IDH3B: variants seen among roughly 807,000 people sequenced by gnomAD.
IDH3B encodes isocitrate dehydrogenase [NAD] subunit beta, mitochondrial.
In IDH3B, 40 loss-of-function variants were observed where a neutral mutation model predicts 47.5. The observed-to-expected ratio is 0.84, with a 90% CI of 0.65 to 1.10. The LOEUF (loss-of-function observed/expected upper bound fraction) is 1.10. Among genes scored for constraint, IDH3B ranks in the 50% least tolerant of loss-of-function variants. The probability of loss-of-function intolerance (pLI) is 0.00; values close to 1 mark genes in which losing one functional copy is unlikely to be tolerated. For synonymous variants in IDH3B, 185 were observed against 191.0 expected (o/e 0.97, Z 0.26); for missense variants, 450 against 505.2 (o/e 0.89, Z 1.05).
rs1393060452 is a variant in IDH3B at position 2,660,750 on chromosome 20, G to A, written c.478C>T (p.Leu160=). ...GYMTRHNNLD[L]VIIREQTEGE... is the part of the protein sequence containing the mutation. ...TCTGTCTGCTCTCGAATGATCACCA[G>A]GTCTAGATTGTTGTGCCGAGTCATA... Residue 160 remains leucine (L), a synonymous_variant, in exon 6 of 12, where the codon CTG becomes TTG. Coordinates refer to ENST00000380843, the MANE Select transcript of IDH3B (RefSeq NM_006899.5). This position sits in a 1 kb window ranked among gnomAD's most constrained non-coding sequence, Gnocchi z 5.6. The A allele has an allele frequency of 6.2e-7, 1 of 1,614,140 alleles. No individual in the cohort carries two copies. The highest frequency in any genetic ancestry group is 8.5e-7 in the Non-Finnish European group (1 of 1,180,032).
chr20:2,660,328 C>T lies in IDH3B; in HGVS notation c.703G>A (p.Glu235Lys), dbSNP rs1173363650. 1.2e-6 allele frequency: 2 copies of T among 1,614,024 alleles called. No homozygotes were observed. The highest frequency in any genetic ancestry group is 1.3e-5 in the African/African-American group (1 of 74,906). The change falls in exon 8 of 12, where the codon GAA (glutamate) becomes AAA (lysine). Residue 235 changes from glutamate (E) to lysine (K), a missense_variant. Coordinates refer to ENST00000380843, the MANE Select transcript of IDH3B (RefSeq NM_006899.5). The surrounding 1 kb of genome is among the most constrained non-coding windows in gnomAD (Gnocchi z 5.6). ...ATTTTGGGGTACAGTTCAGCAACTT[C>T]CTCACAGCACTGCAGGAACAACCCA... ...GDGLFLQCCEEVAELYPKIKF... is the reference protein window; with the variant it reads ...GDGLFLQCCEKVAELYPKIKF...
At position 2,659,739 on chromosome 20, in the gene IDH3B, C is replaced by CTT; in HGVS notation, c.969_970insAA (p.Ala324LysfsTer22). The stretch of plus-strand genomic sequence containing the variant: ...ATGTTGGAAGCCGACAGCAGCATGG[C>CTT]CGTGGGATTGGCTATATTCCTGCCC... On this transcript the variant is annotated frameshift_variant, in exon 10 of 12. Transcript: ENST00000380843. LOFTEE classifies it high-confidence loss of function. The CTT allele has an allele frequency of 6.2e-7, 1 of 1,614,182 alleles. No individual in the cohort carries two copies. The highest frequency in any genetic ancestry group is 8.5e-7 in the Non-Finnish European group (1 of 1,180,028).
intron 2 of IDH3B, 37 bp from the exon 3 acceptor site, chr20:2,663,795 C>A: frequency 1.2e-6 from 2 of 1,609,600 alleles, no homozygotes; most frequent in Non-Finnish European, 1.7e-6. Context: ...AAAGATAGAG[C>A]TGGGGCGGGA....
intron 4 of IDH3B, among the ~76,000 whole-genome samples, chr20:2,661,681 A>C (rs1258896009): frequency 4.6e-5 from 7 of 152,208 alleles, no homozygotes; most frequent in Admixed American, 4.6e-4. Context: ...ATAACAACTA[A>C]AACCATACAA....
intron 1 of IDH3B, 51 bp downstream of exon 1, chr20:2,664,102 A>G: frequency 6.2e-7 from 1 of 1,608,140 alleles, no homozygotes. Context: ...ACCCTAGGAC[A>G]AACTCTCCGC....
chr20:2,660,641 A>T lies in IDH3B; in HGVS notation c.532-51T>A, dbSNP rs373760156. ...GGTGACACTGGGAAGGGAAACAAGG[A>T]GCTCCACCTCTCTCCCATCTTCATC... On this transcript the variant is annotated intron_variant, in intron 6 of 11. Transcript: ENST00000380843. The surrounding 1 kb of genome is among the most constrained non-coding windows in gnomAD (Gnocchi z 5.6). The T allele has an allele frequency of 1.2e-6, 2 of 1,613,958 alleles. No individual in the cohort carries two copies. The highest frequency in any genetic ancestry group is 1.7e-6 in the Non-Finnish European group (2 of 1,180,010).
chr20:2,660,541 G>A lies in IDH3B; in HGVS notation c.581C>T (p.Ser194Phe). 1 of 1,614,140 alleles carries A rather than the reference G, an allele frequency of 6.2e-7. No homozygotes were observed. The highest frequency in any genetic ancestry group is 1.1e-5 in the South Asian group (1 of 91,086). ...ECLKIVTRAK[S>F]QRIAKFAFDY... ...AAAGGCGAACTTTGCAATCCGCTGA[G>A]ACTTGGCTCGTGTGACAATCTTCAA... Residue 194 changes from serine to phenylalanine, a missense_variant, in exon 7 of 12, where the codon TCT (serine) becomes TTT (phenylalanine). Physicochemically the swap from Ser to Phe is radical, Grantham distance 155. Coordinates refer to ENST00000380843, the MANE Select transcript of IDH3B (RefSeq NM_006899.5). This position sits in a 1 kb window ranked among gnomAD's most constrained non-coding sequence, Gnocchi z 5.6.
In IDH3B at chr20:2,659,838, G is replaced by A. The variant is rs201007930; in HGVS notation, c.916-45C>T. On this transcript the variant is annotated intron_variant, in intron 9 of 11. Transcript: ENST00000380843. ...CTAGACACTGGGAGGAGGCAGGAGG[G>A]GTATGCAGAGGCTTAGGTTGGAAAA... The A allele has an allele frequency of 3.7e-5, 55 of 1,493,260 alleles. No individual in the cohort carries two copies. The East Asian group carries it at 9.9e-4, about 27-fold the overall frequency. 92.5% of individuals were successfully genotyped at this position (1,493,260 alleles called of 1,614,324 possible).
intron 4 of IDH3B, among the ~76,000 whole-genome samples, chr20:2,661,890 G>A (rs1394624842): frequency 1.3e-5 from 2 of 152,218 alleles, no homozygotes; most frequent in Non-Finnish European, 2.9e-5. Flanking sequence ...TGGGAAAAGA[G>A]GCTTTGCAGA....
chr20:2,659,325 A>G, intron 11 of IDH3B, 200 bp downstream of exon 11: 2 of 1,542,676 alleles, frequency 1.3e-6, no homozygotes, highest in Non-Finnish European at 1.7e-6. Flanking sequence ...AAGAGGCAAA[A>G]GAGATCAAGA....
rs964045903 is a variant in IDH3B at position 2,660,673 on chromosome 20, C to T, written c.531+24G>A. The T allele has an allele frequency of 6.2e-7, 1 of 1,614,062 alleles. No individual in the cohort carries two copies. Among genetic ancestry groups the T allele is most frequent in the African/African-American group, 1.3e-5 (1 of 74,920 alleles). ...CCTCTCTCCCATCTTCATCCTTGCC[C>T]TCCCCCAGTTTCTGGGGCCTCACCT... On this transcript the variant is annotated intron_variant, in intron 6 of 11. Transcript: ENST00000380843. The surrounding 1 kb of genome is among the most constrained non-coding windows in gnomAD (Gnocchi z 5.6).
At chr20:2,659,131 A>G (rs2086886346) in intron 11 of IDH3B, 2 of 1,435,028 alleles carry the variant, frequency 1.4e-6, no homozygotes, top group East Asian at 2.5e-5. Flanking sequence ...AAATAGAGAC[A>G]AGACCAGGTG....
At position 2,660,957 on chromosome 20, in the gene IDH3B, G is replaced by A; in HGVS notation, c.350C>T (p.Thr117Ile). The A allele has an allele frequency of 6.2e-7, 1 of 1,614,024 alleles. No homozygotes were observed. Among genetic ancestry groups the A allele is most frequent in the Non-Finnish European group, 8.5e-7 (1 of 1,179,978 alleles). ...TAGCTCCCCCTTATACTCCATCGGG[G>A]TATGAATCTTTCCTGTGAAAACAAA... Reference protein sequence around the residue: ...NKVAIIGKIHTPMEYKGELAS... With the variant: ...NKVAIIGKIHIPMEYKGELAS... The change falls in exon 5 of 12, where the codon ACC becomes ATC. Residue 117 changes from threonine to isoleucine, a missense_variant. Coordinates refer to ENST00000380843, the MANE Select transcript of IDH3B (RefSeq NM_006899.5). This position sits in a 1 kb window ranked among gnomAD's most constrained non-coding sequence, Gnocchi z 5.6.
chr20:2,659,473 G>T, intron 11 of IDH3B, 52 bp downstream of exon 11: 1 of 1,589,580 alleles, frequency 6.3e-7, no homozygotes, highest in South Asian at 1.1e-5. Flanking sequence ...CCGAGGTGCT[G>T]ACACCAGAAC....
In IDH3B at chr20:2,663,364, C is replaced by T. The variant is rs116952150; in HGVS notation, c.337+82G>A. 6,979 of 1,498,952 alleles carry T rather than the reference C, an allele frequency of 4.7e-3. 26 individuals carry two copies. Among genetic ancestry groups the T allele is most frequent in the Non-Finnish European group, 5.5e-3 (5,950 of 1,076,992 alleles). 92.9% of individuals were successfully genotyped at this position (1,498,952 alleles called of 1,614,324 possible). Reference sequence around the variant, plus strand: ...CCCTGGAGTTAATATAATTGCATAGCATGTGGGGAGAAGGGCTTAATAAAC... The same window carrying T: ...CCCTGGAGTTAATATAATTGCATAGTATGTGGGGAGAAGGGCTTAATAAAC... On this transcript the variant is annotated intron_variant, in intron 4 of 11. Coordinates refer to ENST00000380843, the MANE Select transcript of IDH3B (RefSeq NM_006899.5).
chr20:2,658,517 T>C lies in IDH3B; in HGVS notation c.*234A>G, dbSNP rs563728009. The stretch of plus-strand genomic sequence containing the variant: ...TAGCATAGCCACCCATGTCAGAGGT[T>C]CGAACCTGTGGGGGAGAATCATCAT... On this transcript the variant is annotated 3_prime_UTR_variant, in exon 12 of 12. Transcript: ENST00000380843. 4.7e-5 allele frequency: 76 copies of C among 1,613,966 alleles called. No individual in the cohort carries two copies. In the South Asian group the frequency reaches 7.8e-4, roughly 17 times the overall value.
chr20:2,659,421 G>C (rs949994088), intron 11 of IDH3B, 104 bp downstream of exon 11: 1 of 1,536,820 alleles, frequency 6.5e-7, no homozygotes, highest in African/African-American at 1.4e-5. Flanking sequence ...TGGGGACCTG[G>C]GGGGAAAGGA....
At chr20:2,659,212 C>A in intron 11 of IDH3B, 1 of 1,391,680 alleles carries the variant, frequency 7.2e-7, no homozygotes, top group Non-Finnish European at 9.2e-7. Flanking sequence ...TGCCTGTATC[C>A]CTTGCTGTTC....
rs1568547541 is a variant in IDH3B, at chr20:2,659,725, CGACAGCA to C, written c.977_983del (p.Leu326ArgfsTer17). On this transcript the variant is annotated frameshift_variant, in exon 10 of 12. Coordinates refer to ENST00000380843, the MANE Select transcript of IDH3B (RefSeq NM_006899.5). LOFTEE classifies it high-confidence loss of function. ...TAAGATGCCGCAGCATGTTGGAAGC[CGACAGCA>C]GCATGGCCGTGGGATTGGCTATATT... 6.2e-7 allele frequency: 1 copy of C among 1,614,174 alleles called. No homozygotes were observed. Among genetic ancestry groups the C allele is most frequent in the Middle Eastern group, 1.6e-4 (1 of 6,062 alleles).
Sources: gnomAD v4.1 joint callset for allele counts (sites outside exome capture counted in the v4.1 genomes callset) on GRCh38, gnomAD v4.1.1 for gene constraint, Gnocchi (gnomAD v3.1) non-coding constraint, MANE v1.5 for transcripts, NCBI Gene and HGNC (gene_info 2026-07-23, HGNC 2026-07-21) for gene names.